STAG1: variants seen among roughly 807,000 people sequenced by gnomAD.
The protein encoded by STAG1 is STAG1 cohesin complex component, also known as cohesin subunit SA-1.
A neutral mutation model predicts 170.9 loss-of-function variants in STAG1; 26 were observed. That is an observed-to-expected ratio of 0.15 (90% CI 0.11 to 0.21). STAG1 has a LOEUF of 0.21. Among genes scored for constraint, STAG1 ranks in the 10% least tolerant of loss-of-function variants. STAG1 has a pLI of 1.00. For missense variants in STAG1, 964 were observed against 1,509.5 expected (o/e 0.64, Z 5.99); for synonymous variants, 514 against 497.7 (o/e 1.03, Z -0.44).
intron 1 of STAG1, among the ~76,000 whole-genome samples, chr3:136,739,837 A>T (rs1013783519): frequency 2.6e-5 from 4 of 151,998 alleles, no homozygotes; most frequent in Non-Finnish European, 5.9e-5. Context: ...AAAAAATAAT[A>T]ATTATATACA....
intron 4 of STAG1, among the ~76,000 whole-genome samples, chr3:136,600,514 C>A (rs776222516): frequency 6.6e-6 from 1 of 152,096 alleles, no homozygotes; most frequent in African/African-American, 2.4e-5. Flanking sequence ...TCACTGATGT[C>A]GGCTTGTATT....
chr3:136,389,889 T>A (rs936557911), intron 22 of STAG1, among the ~76,000 whole-genome samples: 2 of 151,368 alleles, frequency 1.3e-5, no homozygotes, highest in African/African-American at 4.9e-5. Flanking sequence ...CGGAGTGCAG[T>A]GGCATGATCT....
intron 9 of STAG1, among the ~76,000 whole-genome samples, chr3:136,484,933 G>T (rs1208246591): frequency 1.3e-5 from 2 of 152,038 alleles, no homozygotes; most frequent in East Asian, 3.9e-4. Context: ...CCCTGCTTCG[G>T]CTCGCGCACG....
chr3:136,568,057 T>A (rs1206773011), intron 5 of STAG1, among the ~76,000 whole-genome samples: 4 of 151,986 alleles, frequency 2.6e-5, no homozygotes, highest in Admixed American at 2.6e-4. Flanking sequence ...AAACTACTCA[T>A]GTCAATATGG....
intron 4 of STAG1, among the ~76,000 whole-genome samples, chr3:136,569,915 C>CT (rs1205213816): frequency 1.3e-5 from 2 of 152,058 alleles, no homozygotes; most frequent in African/African-American, 4.8e-5. Context: ...TCAATAAAGT[C>CT]TGAGAGTCTT....
chr3:136,468,911 A>T (rs1352828726), intron 12 of STAG1, among the ~76,000 whole-genome samples: 1 of 152,194 alleles, frequency 6.6e-6, no homozygotes, highest in Non-Finnish European at 1.5e-5. Context: ...ATACATGCAG[A>T]AAAGGCCTTT....
At chr3:136,713,684 T>TA (rs1943445878) in intron 1 of STAG1, among the ~76,000 whole-genome samples, 3 of 151,892 alleles carry the variant, frequency 2.0e-5, no homozygotes, top group African/African-American at 7.3e-5. Context: ...GGCCAGGAGT[T>TA]AGAGACCAGC....
chr3:136,714,951 A>AT (rs1346812033), intron 1 of STAG1, among the ~76,000 whole-genome samples: 7 of 80,286 alleles, frequency 8.7e-5, no homozygotes, highest in African/African-American at 2.1e-4. Context: ...ATATATATAT[A>AT]TATATATATA....
intron 1 of STAG1, among the ~76,000 whole-genome samples, chr3:136,734,810 A>G (rs1244406235): frequency 6.6e-6 from 1 of 152,222 alleles, no homozygotes; most frequent in Non-Finnish European, 1.5e-5. Context: ...ACATATAATA[A>G]GTACTCACAA....
At chr3:136,463,735 ATGTGTG>A (rs140989476) in intron 13 of STAG1, among the ~76,000 whole-genome samples, 97 of 101,218 alleles carry the variant, frequency 9.6e-4, no homozygotes, top group African/African-American at 1.5e-3. Flanking sequence ...AAATGTGTAT[ATGTGTG>A]TGTGTGTGTG....
At chr3:136,463,950 C>T (rs2089368423) in intron 13 of STAG1, among the ~76,000 whole-genome samples, 1 of 148,530 alleles carries the variant, frequency 6.7e-6, no homozygotes, top group African/African-American at 2.5e-5. Context: ...ATGAGTTAAT[C>T]TACTAATCAA....
intron 7 of STAG1, among the ~76,000 whole-genome samples, chr3:136,514,149 A>T (rs895291247): frequency 2.0e-5 from 3 of 152,240 alleles, no homozygotes; most frequent in African/African-American, 7.2e-5. Context: ...ATTCTAGTGT[A>T]CAATATGAAA....
chr3:136,694,888 T>C (rs546628490), intron 1 of STAG1, among the ~76,000 whole-genome samples: 1 of 152,118 alleles, frequency 6.6e-6, no homozygotes, highest in African/African-American at 2.4e-5. Context: ...AGAAAAGTTT[T>C]GAAAAGTGAG....
chr3:136,664,448 ATAAGGC>A (rs1445974539), intron 1 of STAG1, among the ~76,000 whole-genome samples: 1 of 152,174 alleles, frequency 6.6e-6, no homozygotes, highest in Admixed American at 6.5e-5. Context: ...CACTCCCAAA[ATAAGGC>A]ATGATTATTT....
At chr3:136,428,468 C>A (rs904690490) in intron 16 of STAG1, among the ~76,000 whole-genome samples, 2 of 152,166 alleles carry the variant, frequency 1.3e-5, no homozygotes, top group Non-Finnish European at 2.9e-5. Context: ...ACACCACAGG[C>A]ATCAAAATGG....
At chr3:136,468,680 C>CA (rs1417689699) in intron 12 of STAG1, among the ~76,000 whole-genome samples, 1 of 151,954 alleles carries the variant, frequency 6.6e-6, no homozygotes, top group Admixed American at 6.6e-5. Context: ...AGACACATAA[C>CA]AAAAAAAGAG....
chr3:136,363,494 C>A, intron 25 of STAG1, 27 bp from the exon 26 acceptor site: 2 of 1,017,508 alleles, frequency 2.0e-6, no homozygotes, highest in East Asian at 2.8e-5. Flanking sequence ...GAAAACATGG[C>A]TTTAAAATTA....
intron 13 of STAG1, among the ~76,000 whole-genome samples, chr3:136,463,787 A>ACG (rs2089354174): frequency 7.4e-6 from 1 of 135,124 alleles, no homozygotes; most frequent in African/African-American, 2.6e-5. Context: ...ACACACACAC[A>ACG]CACATATACA....
At chr3:136,646,070 A>G (rs571191634) in intron 1 of STAG1, among the ~76,000 whole-genome samples, 1 of 152,288 alleles carries the variant, frequency 6.6e-6, no homozygotes, top group African/African-American at 2.4e-5. Context: ...TCATGCTTAC[A>G]CTACCATGGC....
Sources: allele counts gnomAD v4.1 joint callset (sites outside exome capture counted in the v4.1 genomes callset), GRCh38; gene constraint gnomAD v4.1.1; transcripts MANE v1.5; gene names NCBI Gene and HGNC (gene_info 2026-07-23, HGNC 2026-07-21).